CD22: variants seen among roughly 807,000 people sequenced by gnomAD.
The protein encoded by CD22 is CD22 molecule.
Under a neutral mutation model 94.7 loss-of-function variants are expected in CD22, and 51 were observed. The observed-to-expected ratio is 0.54, with a 90% CI of 0.43 to 0.68. The LOEUF (loss-of-function observed/expected upper bound fraction) is 0.68, where lower values mean the gene tolerates loss of function less well. CD22 is among the 30% of genes least tolerant of loss of function. The probability of loss-of-function intolerance (pLI) is 0.00; values close to 1 mark genes in which losing one functional copy is unlikely to be tolerated. For missense variants in CD22, 931 were observed against 1,060.4 expected, an observed-to-expected ratio of 0.88 and a Z score of 1.69; for synonymous variants, 424 against 422.5, an observed-to-expected ratio of 1.00 and a Z score of -0.04.
intron 9 of CD22, among the ~76,000 whole-genome samples, chr19:35,344,285 C>T (rs950231951): frequency 2.6e-5 from 4 of 152,260 alleles, no homozygotes; most frequent in African/African-American, 9.6e-5. Flanking sequence ...GGAAATGTAA[C>T]AGACACATCC....
In CD22 at chr19:35,341,478, G is replaced by T. The variant is rs747077726; in HGVS notation, c.1643G>T (p.Arg548Met). Reference sequence around the variant, plus strand: ...CAGTTCTTCTGGGAGAAAAATGGCAGGCTTCTGGGGAAAGAAAGCCAGCTG... The same window carrying T: ...CAGTTCTTCTGGGAGAAAAATGGCATGCTTCTGGGGAAAGAAAGCCAGCTG... The part of the protein sequence containing the change: ...EVQFFWEKNG[R>M]LLGKESQLNF... The change falls in exon 8 of 14, where the codon AGG becomes ATG. Residue 548 changes from arginine to methionine, a missense_variant. Coordinates refer to ENST00000085219, the MANE Select transcript of CD22 (RefSeq NM_001771.4). This position sits in a 1 kb window ranked among gnomAD's most constrained non-coding sequence, Gnocchi z 4.0. 4.9e-5 allele frequency: 79 copies of T among 1,614,182 alleles called. 1 individual carries two copies. In the South Asian group the frequency reaches 8.0e-4, roughly 16 times the overall value.
At chr19:35,338,567 C>G (rs551602079) in intron 6 of CD22, 136 bp downstream of exon 6, 1 of 817,470 alleles carries the variant, frequency 1.2e-6, no homozygotes, top group African/African-American at 1.7e-5. Context: ...TTCACAACTG[C>G]TGTCTCAGCT....
intron 4 of CD22, chr19:35,336,614 T>A: frequency 2.1e-6 from 1 of 484,214 alleles, no homozygotes; most frequent in East Asian, 3.7e-5. Context: ...TTTTTTCGCA[T>A]CATTATCTTG....
At position 35,341,588 on chromosome 19, in the gene CD22, T is replaced by C. The variant is rs141451390; in HGVS notation, c.1753T>C (p.Trp585Arg). 100 of 1,612,132 alleles carry C rather than the reference T, an allele frequency of 6.2e-5. No homozygotes were observed. The highest frequency in any genetic ancestry group is 8.1e-5 in the Non-Finnish European group (95 of 1,178,524). Residue 585 changes from tryptophan (W) to arginine (R), a missense_variant, in exon 8 of 14, where the codon TGG becomes CGG. Physicochemically the swap from Trp to Arg is moderately radical, Grantham distance 101 (BLOSUM62 -3). Coordinates refer to ENST00000085219, the MANE Select transcript of CD22 (RefSeq NM_001771.4). The surrounding 1 kb of genome is among the most constrained non-coding windows in gnomAD (Gnocchi z 4.0). ...CATAGGACAGACAGCGTCCAAGGCC[T>C]GGACACTTGAAGTGCTGTGTGAGTG... is the stretch of plus-strand genomic sequence containing the variant. ...NSIGQTASKA[W>R]TLEVLYAPRR...
intron 3 of CD22, chr19:35,333,205 T>C: frequency 2.2e-6 from 1 of 445,542 alleles, no homozygotes; most frequent in South Asian, 3.6e-5. Flanking sequence ...TTTTCAGCTT[T>C]TGTGACAAAC....
intron 9 of CD22, among the ~76,000 whole-genome samples, chr19:35,343,224 C>A (rs1010391371): frequency 2.0e-5 from 3 of 151,908 alleles, no homozygotes; most frequent in African/African-American, 7.3e-5. Context: ...TCGGCCTCCA[C>A]AGTAGTAAAC....
rs952204543 is a variant in CD22, at chr19:35,345,199, C to T, written c.2208+73C>T. 33 of 1,335,474 alleles carry T rather than the reference C, an allele frequency of 2.5e-5. No individual in the cohort carries two copies. In the Admixed American group the frequency reaches 3.0e-4, roughly 12 times the overall value. 82.7% of individuals were successfully genotyped at this position (1,335,474 alleles called of 1,614,324 possible). ...TTGGGAGGCTGAGGCAGGTGGATCA[C>T]CTGAGGTCAGGAGTTCGAGACCAGC... On this transcript the variant is annotated intron_variant, in intron 11 of 13. Coordinates refer to ENST00000085219, the MANE Select transcript of CD22 (RefSeq NM_001771.4).
chr19:35,340,447 T>A (rs540729085), intron 6 of CD22, among the ~76,000 whole-genome samples: 2 of 152,318 alleles, frequency 1.3e-5, no homozygotes, highest in African/African-American at 4.8e-5. Context: ...CATGCATAGC[T>A]AATTTTTAAA....
At chr19:35,346,350 G>T (rs963879149) in intron 13 of CD22, 115 bp downstream of exon 13, 87 of 1,117,318 alleles carry the variant, frequency 7.8e-5, no homozygotes, top group Non-Finnish European at 9.5e-5. Flanking sequence ...CGTGGTGGCA[G>T]AGGTTGGGTG....
At position 35,347,080 on chromosome 19, in the gene CD22, C is replaced by T; in HGVS notation, c.*383C>T. The T allele has an allele frequency of 5.5e-6, 1 of 183,276 alleles. No homozygotes were observed. The highest frequency in any genetic ancestry group is 9.8e-5 in the South Asian group (1 of 10,164). The allele number at this position is 183,276 out of a possible 1,614,324, so 11.4% of individuals were successfully genotyped here. On this transcript the variant is annotated 3_prime_UTR_variant, in exon 14 of 14. Transcript: ENST00000085219. ...CATCATTTTTCCTTCCCTTCTCCAT[C>T]TCTCTGGCCCTCTACCCCTGATCTG...
Position 35,338,273 on chromosome 19 carries a change from AC to A in CD22, c.1092del (p.Tyr364Ter). 1 of 1,614,224 alleles carries A rather than the reference AC, an allele frequency of 6.2e-7. No individual in the cohort carries two copies. The highest frequency in any genetic ancestry group is 8.5e-7 in the Non-Finnish European group (1 of 1,180,038). On this transcript the variant is annotated frameshift_variant, in exon 6 of 14. Transcript: ENST00000085219. LOFTEE classifies it high-confidence loss of function. ...CTGGCCAATCCTCTTCCAACAAATT[AC>A]ACGTGGTACCACAATGGGAAAGAAA... is the stretch of plus-strand genomic sequence containing the variant. Reference protein sequence around the residue: ...MSLANPLPTNYTWYHNGKEMQ... With the variant: ...MSLANPLPTNXTWYHNGKEMQ...
Position 35,336,230 on chromosome 19 carries a change from G to C in CD22, c.607G>C (p.Glu203Gln). 1 of 1,614,188 alleles carries C rather than the reference G, an allele frequency of 6.2e-7. No homozygotes were observed. The highest frequency in any genetic ancestry group is 8.5e-7 in the Non-Finnish European group (1 of 1,180,038). Reference protein sequence around the residue: ...LTIKSVFTRSELKFSPQWSHH... With the variant: ...LTIKSVFTRSQLKFSPQWSHH... ...CATCAAGTCTGTCTTCACCCGGAGC[G>C]AGCTCAAGTTCTCCCCACAGTGGAG... Residue 203 changes from glutamate to glutamine, a missense_variant, in exon 4 of 14, where the codon GAG (glutamate) becomes CAG (glutamine). Physicochemically the swap from Glu to Gln is conservative, Grantham distance 29 (BLOSUM62 2). Coordinates refer to ENST00000085219, the MANE Select transcript of CD22 (RefSeq NM_001771.4).
chr19:35,336,996 T>A (rs1423219238), intron 4 of CD22, among the ~76,000 whole-genome samples: 4 of 152,008 alleles, frequency 2.6e-5, no homozygotes, highest in African/African-American at 9.7e-5. Flanking sequence ...TCCTAGCACT[T>A]TGGAAGGCCG....
At chr19:35,343,065 T>C (rs578238280) in intron 9 of CD22, among the ~76,000 whole-genome samples, 1 of 151,864 alleles carries the variant, frequency 6.6e-6, no homozygotes, top group Non-Finnish European at 1.5e-5. Flanking sequence ...TCCAAAGTGC[T>C]GGGATTACAG....
At chr19:35,343,186 C>G (rs908905288) in intron 9 of CD22, among the ~76,000 whole-genome samples, 2 of 151,654 alleles carry the variant, frequency 1.3e-5, no homozygotes, top group Admixed American at 6.6e-5. Flanking sequence ...GCAGCCTCGA[C>G]CCCCTAGGCT....
At chr19:35,336,977 C>T (rs1371422117) in intron 4 of CD22, among the ~76,000 whole-genome samples, 2 of 152,110 alleles carry the variant, frequency 1.3e-5, no homozygotes, top group African/African-American at 2.4e-5. Context: ...CGGTGGCTCA[C>T]GCCTGTAATC....
intron 1 of CD22, chr19:35,331,753 C>G: frequency 2.3e-6 from 1 of 442,688 alleles, no homozygotes; most frequent in South Asian, 3.0e-5. Flanking sequence ...GGGCTGAGGC[C>G]AGAGAAACGC....
chr19:35,345,517 A>C (rs1186446315), intron 11 of CD22, 85 bp from the exon 12 acceptor site: 2 of 787,752 alleles, frequency 2.5e-6, no homozygotes, highest in Admixed American at 2.1e-5. Context: ...ATGTCCTCTG[A>C]GGAGACCTGG....
chr19:35,332,970 TG>T, intron 3 of CD22, 46 bp downstream of exon 3: 12 of 1,576,444 alleles, frequency 7.6e-6, no homozygotes, highest in Non-Finnish European at 1.0e-5. Context: ...CAGGGGTGAG[TG>T]GGAGGCAGGA....
Sources: gnomAD v4.1 joint callset for allele counts (sites outside exome capture counted in the v4.1 genomes callset) on GRCh38, gnomAD v4.1.1 for gene constraint, Gnocchi (gnomAD v3.1) non-coding constraint, MANE v1.5 for transcripts, NCBI Gene and HGNC (gene_info 2026-07-23, HGNC 2026-07-21) for gene names.